Variants in FBXL17 observed in about 807,000 individuals in gnomAD.
FBXL17 encodes the protein F-box/LRR-repeat protein 17.
In FBXL17, 22 loss-of-function variants were observed where a neutral mutation model predicts 66.2. The ratio of observed to expected loss-of-function variants is 0.33; its 90% CI spans 0.24 to 0.47. The LOEUF is 0.47. Among genes scored for constraint, FBXL17 ranks in the 20% least tolerant of loss-of-function variants. The pLI, the probability that FBXL17 is intolerant of heterozygous loss-of-function variation, is 1.00. For synonymous variants in FBXL17, 474 were observed against 400.5 expected (o/e 1.18, Z -2.19); for missense variants, 878 against 948.2 (o/e 0.93, Z 0.97).
intron 4 of FBXL17, among the ~76,000 whole-genome samples, chr5:108,324,864 T>C (rs1051536502): frequency 2.6e-5 from 4 of 151,960 alleles, no homozygotes; most frequent in African/African-American, 9.7e-5. Flanking sequence ...TTAAGCTAAA[T>C]GAAGTAAGCC....
chr5:107,960,608 G>A (rs995559640), intron 7 of FBXL17, among the ~76,000 whole-genome samples: 6 of 152,004 alleles, frequency 3.9e-5, no homozygotes, highest in Admixed American at 1.3e-4. Context: ...TTGTCTTTCC[G>A]TACCTGGCTG....
chr5:107,956,269 TA>T (rs1351507954), intron 7 of FBXL17, among the ~76,000 whole-genome samples: 1 of 152,234 alleles, frequency 6.6e-6, no homozygotes. Context: ...TTGCACTTGT[TA>T]AAACCTCAGA....
intron 6 of FBXL17, among the ~76,000 whole-genome samples, chr5:108,176,592 T>A (rs1323297712): frequency 6.6e-6 from 1 of 152,102 alleles, no homozygotes; most frequent in Non-Finnish European, 1.5e-5. Context: ...ATCACCCACA[T>A]CAAATTCAGT....
At chr5:108,122,557 T>C (rs1750543949) in intron 6 of FBXL17, among the ~76,000 whole-genome samples, 1 of 152,172 alleles carries the variant, frequency 6.6e-6, no homozygotes, top group South Asian at 2.1e-4. Context: ...GGTGAATGCA[T>C]ACAGCAGGAA....
intron 6 of FBXL17, among the ~76,000 whole-genome samples, chr5:108,104,704 T>C (rs1429319786): frequency 1.3e-5 from 2 of 152,208 alleles, no homozygotes; most frequent in Non-Finnish European, 2.9e-5. Flanking sequence ...ATCCACAGTT[T>C]TGTGACAAAG....
At chr5:107,983,442 T>C (rs1176330075) in intron 7 of FBXL17, among the ~76,000 whole-genome samples, 4 of 151,492 alleles carry the variant, frequency 2.6e-5, no homozygotes, top group African/African-American at 9.7e-5. Context: ...GATCCTCCCA[T>C]CTCAGCCTCC....
chr5:108,160,483 C>G (rs568819193), intron 6 of FBXL17, among the ~76,000 whole-genome samples: 1 of 152,268 alleles, frequency 6.6e-6, no homozygotes, highest in East Asian at 1.9e-4. Flanking sequence ...CAGTTAGTAG[C>G]TTTGAGAATA....
intron 5 of FBXL17, among the ~76,000 whole-genome samples, chr5:108,221,407 A>G (rs781200028): frequency 1.3e-5 from 2 of 152,136 alleles, no homozygotes. Flanking sequence ...TAATTCCTAA[A>G]TTCATAGATT....
intron 6 of FBXL17, among the ~76,000 whole-genome samples, chr5:108,118,016 T>A (rs1371086492): frequency 6.6e-6 from 1 of 152,160 alleles, no homozygotes; most frequent in Non-Finnish European, 1.5e-5. Context: ...GTTTCCATTA[T>A]TTGGCATTAC....
At chr5:108,128,354 C>A (rs988114038) in intron 6 of FBXL17, among the ~76,000 whole-genome samples, 7 of 151,908 alleles carry the variant, frequency 4.6e-5, no homozygotes. Flanking sequence ...TGATGGAGGC[C>A]AATGTTCCTC....
At chr5:108,377,393 GT>G (rs1013796408) in intron 1 of FBXL17, among the ~76,000 whole-genome samples, 1 of 152,172 alleles carries the variant, frequency 6.6e-6, no homozygotes, top group African/African-American at 2.4e-5. Flanking sequence ...GTTTTTCCTT[GT>G]TTTCCCCTAC....
At chr5:108,056,717 G>A (rs561455578) in intron 6 of FBXL17, among the ~76,000 whole-genome samples, 16 of 152,236 alleles carry the variant, frequency 1.1e-4, no homozygotes, top group South Asian at 2.1e-4. Flanking sequence ...ACTCTCTGCC[G>A]TCATTAATGG....
intron 3 of FBXL17, among the ~76,000 whole-genome samples, chr5:108,360,529 C>G (rs573059636): frequency 6.6e-6 from 1 of 152,192 alleles, no homozygotes; most frequent in African/African-American, 2.4e-5. Context: ...CTGTCTTTGA[C>G]TTCTGACAAT....
intron 4 of FBXL17, among the ~76,000 whole-genome samples, chr5:108,300,222 T>C (rs1173119844): frequency 1.3e-5 from 2 of 151,948 alleles, no homozygotes; most frequent in Non-Finnish European, 2.9e-5. Context: ...CTCCATTTAC[T>C]TGATTAAAAA....
intron 6 of FBXL17, among the ~76,000 whole-genome samples, chr5:108,166,145 A>G (rs1185139001): frequency 6.6e-6 from 1 of 152,246 alleles, no homozygotes; most frequent in African/African-American, 2.4e-5. Flanking sequence ...CAAATATCTC[A>G]GGAAAGAGTC....
At chr5:107,987,501 C>T (rs1288995058) in intron 7 of FBXL17, among the ~76,000 whole-genome samples, 1 of 151,904 alleles carries the variant, frequency 6.6e-6, no homozygotes, top group Non-Finnish European at 1.5e-5. Flanking sequence ...GCACTCCTTC[C>T]TAAATATTTC....
intron 6 of FBXL17, among the ~76,000 whole-genome samples, chr5:108,174,748 C>CAAAAAAAAA (rs34237156): frequency 7.6e-5 from 7 of 92,530 alleles, no homozygotes; most frequent in South Asian, 4.3e-4. Context: ...CACAAAGAAG[C>CAAAAAAAAA]AAAAAAAAAA....
intron 5 of FBXL17, among the ~76,000 whole-genome samples, chr5:108,220,082 G>A (rs1258564379): frequency 6.6e-6 from 1 of 151,554 alleles, no homozygotes; most frequent in Non-Finnish European, 1.5e-5. Context: ...TACTTTAGTA[G>A]CATCACACTA....
At chr5:108,287,997 G>T (rs1048950198) in intron 4 of FBXL17, among the ~76,000 whole-genome samples, 2 of 151,998 alleles carry the variant, frequency 1.3e-5, no homozygotes, top group African/African-American at 4.8e-5. Context: ...ATTATACCAA[G>T]TGAACAAACA....
Sources: allele counts gnomAD v4.1 joint callset (sites outside exome capture counted in the v4.1 genomes callset), GRCh38; gene constraint gnomAD v4.1.1; transcripts MANE v1.5; gene names NCBI Gene and HGNC (gene_info 2026-07-23, HGNC 2026-07-21).